Variants in TANGO2 observed in about 807,000 individuals in gnomAD.
The protein encoded by TANGO2 is transport and Golgi organization protein 2 homolog.
A neutral mutation model predicts 39.1 loss-of-function variants in TANGO2; 26 were observed. The ratio of observed to expected loss-of-function variants is 0.67; its 90% confidence interval spans 0.49 to 0.92. TANGO2 has a LOEUF of 0.92. Among genes scored for constraint, TANGO2 ranks in the 40% least tolerant of loss-of-function variants. The pLI is 0.00. For missense variants in TANGO2, 326 were observed against 360.1 expected (o/e 0.91, Z 0.77); for synonymous variants, 131 against 144.5 (o/e 0.91, Z 0.67).
chr22:20,062,521 C>G (rs545188596), intron 7 of TANGO2, among the ~76,000 whole-genome samples: 1 of 152,252 alleles, frequency 6.6e-6, no homozygotes, highest in Non-Finnish European at 1.5e-5. Flanking sequence ...GCCTCAGCAT[C>G]GCTGCCTCAC....
chr22:20,060,078 G>T (rs528447292), intron 6 of TANGO2, among the ~76,000 whole-genome samples: 1 of 151,896 alleles, frequency 6.6e-6, no homozygotes, highest in East Asian at 1.9e-4. Context: ...AGCCGGGCGC[G>T]GTGGCTCACG....
chr22:20,024,760 C>T (rs1444218973), intron 1 of TANGO2, among the ~76,000 whole-genome samples: 1 of 152,214 alleles, frequency 6.6e-6, no homozygotes, highest in African/African-American at 2.4e-5. Flanking sequence ...CTGCTTAGCA[C>T]ACATCCCCTC....
At chr22:20,023,520 A>T (rs1241203944) in intron 1 of TANGO2, among the ~76,000 whole-genome samples, 1 of 152,214 alleles carries the variant, frequency 6.6e-6, no homozygotes, top group East Asian at 1.9e-4. Context: ...ATGCCCCGGA[A>T]GCATTGTGAA....
chr22:20,020,096 C>G (rs5746851), upstream of TANGO2, among the ~76,000 whole-genome samples: 1 of 152,100 alleles, frequency 6.6e-6, no homozygotes, highest in South Asian at 2.1e-4. Flanking sequence ...CAGGTTGAAG[C>G]TAATGTGGCC....
rs926816023 is a variant in TANGO2, at chr22:20,066,857, G to A, written c.*2195G>A. 6.6e-6 allele frequency among the ~76,000 whole-genome samples: 1 copy of A among 152,102 alleles called. No individual in the cohort carries two copies. The highest frequency in any genetic ancestry group is 2.4e-5 in the African/African-American group (1 of 41,394). On this transcript the variant is annotated 3_prime_UTR_variant, in exon 9 of 9. Transcript: ENST00000327374. ...CAGAGACCCGGCCTGCCCAGGAAGA[G>A]CAGTCTCTGCTCTTGTGTGGGTCCC...
At chr22:20,041,980 C>T (rs1397952709) in intron 2 of TANGO2, among the ~76,000 whole-genome samples, 1 of 151,682 alleles carries the variant, frequency 6.6e-6, no homozygotes, top group Non-Finnish European at 1.5e-5. Flanking sequence ...GGTCTTCAGC[C>T]ATCACTTTTT....
chr22:20,050,608 C>T lies in TANGO2; in HGVS notation c.146-1857C>T, dbSNP rs186524118. Among the ~76,000 whole-genome samples, 636 of 150,720 alleles carry T rather than the reference C, an allele frequency of 4.2e-3. 12 individuals carry two copies. The highest frequency in any genetic ancestry group is 0.015 in the African/African-American group (605 of 41,066). ...CGAACTCCTGACCTCGTGATCCGCC[C>T]GCCTTGGCCTCCCAAAGTGCTGGGA... is the stretch of plus-strand genomic sequence containing the variant. On this transcript the variant is annotated intron_variant, in intron 3 of 8. Coordinates refer to ENST00000327374, the MANE Select transcript of TANGO2 (RefSeq NM_152906.7).
chr22:20,029,567 T>C (rs532013227), intron 1 of TANGO2, among the ~76,000 whole-genome samples: 1 of 152,290 alleles, frequency 6.6e-6, no homozygotes, highest in South Asian at 2.1e-4. Context: ...TTTCCATTCA[T>C]ATCTCATAGA....
In TANGO2 at chr22:20,043,457, C is replaced by T. The variant is rs446388; in HGVS notation, c.145+14C>T. On this transcript the variant is annotated intron_variant, in intron 3 of 8. Transcript: ENST00000327374. ...AGATCCTCAGTGGTGAGTCTTCCTG[C>T]GTGCTCAGCGGTGGCTGCGCCTTGT... is the stretch of plus-strand genomic sequence containing the variant. The T allele has an allele frequency of 0.064, 101,714 of 1,592,638 alleles. 3,552 individuals carry two copies. Among genetic ancestry groups the T allele is most frequent in the South Asian group, 0.1 (9,229 of 90,286 alleles).
At chr22:20,038,648 GA>G (rs1213973432) in intron 2 of TANGO2, among the ~76,000 whole-genome samples, 4 of 152,348 alleles carry the variant, frequency 2.6e-5, no homozygotes, top group South Asian at 4.1e-4. Flanking sequence ...AGCCAAAGAC[GA>G]AATGTGCCAC....
intron 1 of TANGO2, among the ~76,000 whole-genome samples, chr22:20,035,191 G>A (rs918891911): frequency 6.6e-6 from 1 of 152,232 alleles, no homozygotes; most frequent in Non-Finnish European, 1.5e-5. Flanking sequence ...TCTGCACGTG[G>A]CGCTTATTGC....
At chr22:20,060,510 C>G (rs1292282440) in intron 6 of TANGO2, among the ~76,000 whole-genome samples, 1 of 152,144 alleles carries the variant, frequency 6.6e-6, no homozygotes, top group African/African-American at 2.4e-5. Flanking sequence ...AGTGATCCTC[C>G]TGCCCCAGCC....
At chr22:20,027,599 T>C (rs1259197366) in intron 1 of TANGO2, among the ~76,000 whole-genome samples, 3 of 151,960 alleles carry the variant, frequency 2.0e-5, no homozygotes, top group Admixed American at 1.3e-4. Context: ...AGCCCTTGGC[T>C]GAGGCTTTTT....
intron 6 of TANGO2, among the ~76,000 whole-genome samples, chr22:20,060,826 A>G (rs1019597223): frequency 2.6e-5 from 4 of 152,128 alleles, no homozygotes; most frequent in African/African-American, 9.7e-5. Flanking sequence ...CTTGGCTCCC[A>G]TCAAGCCCAC....
chr22:20,036,450 C>T (rs924160536), intron 1 of TANGO2, among the ~76,000 whole-genome samples: 1 of 152,218 alleles, frequency 6.6e-6, no homozygotes, highest in African/African-American at 2.4e-5. Flanking sequence ...CTGCTGCCCC[C>T]CGGGGACCCC....
Position 20,027,451 on chromosome 22 carries a change from A to G in TANGO2, c.-40+6205A>G, listed in dbSNP as rs182636452. 3.3e-5 allele frequency among the ~76,000 whole-genome samples: 5 copies of G among 152,332 alleles called. No homozygotes were observed. The East Asian group carries it at 9.6e-4, about 29-fold the overall frequency. ...TGGGCAGTGGTGAACCAGTGGGGAC[A>G]TGGCTCTGGTGGAGACAGACCTCAT... On this transcript the variant is annotated intron_variant, in intron 1 of 8. Coordinates refer to ENST00000327374, the MANE Select transcript of TANGO2 (RefSeq NM_152906.7).
chr22:20,053,496 G>T lies in TANGO2; in HGVS notation c.325G>T (p.Val109Phe), dbSNP rs1318188711. The T allele has an allele frequency of 6.2e-7, 1 of 1,614,030 alleles. No individual in the cohort carries two copies. The highest frequency in any genetic ancestry group is 1.3e-5 in the African/African-American group (1 of 75,034). ...DVDSLSYLKK[V>F]SMEGHLYNGF... The stretch of plus-strand genomic sequence containing the variant: ...GGACAGCTTGTCCTACCTGAAGAAG[G>T]TCTCTATGGAGGGCCATCTGTACAA... The change falls in exon 5 of 9, where the codon GTC becomes TTC. Residue 109 changes from valine (V) to phenylalanine (F), a missense_variant. By Grantham distance (50) the Val-to-Phe change is conservative. Coordinates refer to ENST00000327374, the MANE Select transcript of TANGO2 (RefSeq NM_152906.7).
At chr22:20,018,820 C>T (rs1225244428), upstream of TANGO2, among the ~76,000 whole-genome samples, 1 of 152,188 alleles carries the variant, frequency 6.6e-6, no homozygotes, top group Non-Finnish European at 1.5e-5. Flanking sequence ...TGGCTCATGC[C>T]TGTAATCCCA....
intron 8 of TANGO2, 174 bp downstream of exon 8, chr22:20,063,616 G>A: frequency 1.6e-6 from 1 of 623,130 alleles, no homozygotes; most frequent in Non-Finnish European, 2.7e-6. Context: ...GATACCACAG[G>A]CTCCCGGGGC....
Sources: allele counts gnomAD v4.1 joint callset (sites outside exome capture counted in the v4.1 genomes callset), GRCh38; gene constraint gnomAD v4.1.1; transcripts MANE v1.5; gene names NCBI Gene and HGNC (gene_info 2026-07-23, HGNC 2026-07-21).